The following NEB variants were observed in gnomAD, a reference collection of about 807,000 sequenced individuals.
NEB encodes nemaline myopathy type 2.
NEB carries 512 observed loss-of-function variants against 952.2 expected under a neutral mutation model. That is an observed-to-expected ratio of 0.54 (90% confidence interval 0.50 to 0.58). NEB has a LOEUF of 0.58. NEB is among the 20% of genes least tolerant of loss of function. The probability of loss-of-function intolerance (pLI) is 0.00; values close to 1 mark genes in which losing one functional copy is unlikely to be tolerated. For missense variants in NEB, 8,428 were observed against 9,231.1 expected (o/e 0.91, Z 3.56); for synonymous variants, 2,900 against 3,149.8 (o/e 0.92, Z 2.66).
At chr2:151,637,967 A>C (rs2098793448) in intron 63 of NEB, among the ~76,000 whole-genome samples, 1 of 152,228 alleles carries the variant, frequency 6.6e-6, no homozygotes, top group Non-Finnish European at 1.5e-5. Flanking sequence ...CCAAATAAAC[A>C]ATATTTTCCT....
intron 24 of NEB, chr2:151,690,506 T>C: frequency 2.3e-6 from 1 of 438,510 alleles, no homozygotes; most frequent in Non-Finnish European, 4.2e-6. Context: ...TAAAAATCAG[T>C]GAGTTATTAA....
chr2:151,694,475 G>A, intron 19 of NEB, 39 bp from the exon 20 acceptor site: 1 of 1,613,010 alleles, frequency 6.2e-7, no homozygotes, highest in Non-Finnish European at 8.5e-7. Context: ...CACTCAAGAG[G>A]AAATGTCCCC....
rs1053712292 is a variant in NEB at position 151,494,186 on chromosome 2, T to C, written c.24554A>G (p.Lys8185Arg). Residue 8185 changes from lysine (K) to arginine (R), a missense_variant, in exon 174 of 182, where the codon AAA becomes AGA. Coordinates refer to ENST00000397345, the MANE Select transcript of NEB (RefSeq NM_001164508.2). ...CGAGCTAATGTTTTCTTGATTGCGT[T>C]TGACTCTCTGCATCTCAGGAGTGAC... Reference protein sequence around the residue: ...TPVTPEMQRVKRNQENISSVL... With the variant: ...TPVTPEMQRVRRNQENISSVL... The C allele has an allele frequency of 1.2e-6, 2 of 1,608,150 alleles. No homozygotes were observed. The highest frequency in any genetic ancestry group is 1.7e-4 in the Middle Eastern group (1 of 6,054).
In NEB at chr2:151,733,200, T is replaced by C; in HGVS notation, c.-29-15A>G. ...GCACCTACAAACTTTTCATATTCCATACAAATGAAAACATATTAGAGTCTA... is the reference window on the plus strand; with the variant it reads ...GCACCTACAAACTTTTCATATTCCACACAAATGAAAACATATTAGAGTCTA... On this transcript the variant is annotated splice_polypyrimidine_tract_variant and intron_variant, in intron 2 of 181. Transcript: ENST00000397345. 1 of 1,543,882 alleles carries C rather than the reference T, an allele frequency of 6.5e-7. No individual in the cohort carries two copies. Among genetic ancestry groups the C allele is most frequent in the Non-Finnish European group, 8.8e-7 (1 of 1,130,236 alleles).
chr2:151,655,157 T>C, intron 51 of NEB, 113 bp downstream of exon 51: 1 of 635,364 alleles, frequency 1.6e-6, no homozygotes, highest in Non-Finnish European at 2.6e-6. Flanking sequence ...AATCAGTGTG[T>C]CATTTCCAAA....
intron 72 of NEB, among the ~76,000 whole-genome samples, chr2:151,620,345 G>GTATATACA (rs775274994): frequency 1.1e-5 from 1 of 87,934 alleles, no homozygotes; most frequent in Admixed American, 1.0e-4. Context: ...ATGTATGTGT[G>GTATATACA]TGTATATATA....
At chr2:151,517,830 C>A (rs2078796394) in intron 156 of NEB, among the ~76,000 whole-genome samples, 1 of 152,208 alleles carries the variant, frequency 6.6e-6, no homozygotes, top group Non-Finnish European at 1.5e-5. Flanking sequence ...CCATTATAAT[C>A]TTATGGGACC....
chr2:151,555,294 T>C (rs978254578), intron 124 of NEB, among the ~76,000 whole-genome samples: 2 of 152,202 alleles, frequency 1.3e-5, no homozygotes, highest in Non-Finnish European at 2.9e-5. Flanking sequence ...TATGAAATTT[T>C]AGTTGCTGTT....
intron 105 of NEB, among the ~76,000 whole-genome samples, chr2:151,578,735 G>A (rs1429678745): frequency 2.0e-5 from 3 of 148,864 alleles, no homozygotes. Context: ...GGGAAGGAAG[G>A]AAGGAAGGAG....
Position 151,655,909 on chromosome 2 carries a change from A to G in NEB, c.6610T>C (p.Tyr2204His). The G allele has an allele frequency of 6.2e-7, 1 of 1,613,766 alleles. No homozygotes were observed. Among genetic ancestry groups the G allele is most frequent in the Non-Finnish European group, 8.5e-7 (1 of 1,179,806 alleles). The change falls in exon 50 of 182, where the codon TAC becomes CAC. Residue 2204 changes from tyrosine (Y) to histidine (H), a missense_variant. Physicochemically the swap from Tyr to His is moderately conservative, Grantham distance 83. Transcript: ENST00000397345. The part of the protein sequence containing the change: ...KATEYASDQK[Y>H]RQHPSNFQFK... ...TGGAAGTTGCTCGGGTGCTGGCGGT[A>G]TTTCTGATCACTGGCATATTCAGTT...
chr2:151,576,704 G>T (rs1232398329), intron 105 of NEB, among the ~76,000 whole-genome samples: 1 of 150,598 alleles, frequency 6.6e-6, no homozygotes, highest in Non-Finnish European at 1.5e-5. Context: ...TCTAATTTTT[G>T]TATTTTTTTT....
intron 153 of NEB, among the ~76,000 whole-genome samples, chr2:151,523,699 T>G (rs559144143): frequency 8.5e-5 from 13 of 152,292 alleles, no homozygotes; most frequent in African/African-American, 3.1e-4. Flanking sequence ...GCAACACATT[T>G]CTGAGTCCAT....
rs745733944 is a variant in NEB at position 151,694,402 on chromosome 2, C to T, written c.1817G>A (p.Gly606Glu). The T allele has an allele frequency of 3.1e-6, 5 of 1,613,904 alleles. No individual in the cohort carries two copies. The East Asian group carries it at 1.1e-4, about 36-fold the overall frequency. ...MYKKDYEKNK[G>E]KMIGVLSIND... is the part of the protein sequence containing the mutation. ...AATGCTGAGGACTCCAATCATTTTC[C>T]CTTTGTTTTTTTCATAGTCTTTCTT... Residue 606 changes from glycine to glutamate, a missense_variant, in exon 20 of 182, where the codon GGG (glycine) becomes GAG (glutamate). Transcript: ENST00000397345.
chr2:151,492,531 C>T (rs191711599), intron 176 of NEB, 37 bp from the exon 177 acceptor site: 1,113 of 1,473,268 alleles, frequency 7.6e-4, no homozygotes, highest in Non-Finnish European at 9.2e-4. Context: ...TGGTGCTGTC[C>T]TAAATCTGAA....
At chr2:151,610,703 C>A in intron 79 of NEB, 59 bp downstream of exon 79, 2 of 1,577,282 alleles carry the variant, frequency 1.3e-6, no homozygotes, top group Non-Finnish European at 1.7e-6. Flanking sequence ...GAAATTGTTA[C>A]GGTGGAAAAA....
chr2:151,704,509 G>C (rs1385161705), intron 13 of NEB, among the ~76,000 whole-genome samples: 16 of 151,680 alleles, frequency 1.1e-4, no homozygotes, highest in Admixed American at 9.8e-4. Flanking sequence ...AGCAATCAGC[G>C]AGACTCCGTG....
chr2:151,674,730 G>C, intron 35 of NEB, 146 bp from the exon 36 acceptor site: 2 of 636,456 alleles, frequency 3.1e-6, no homozygotes, highest in Admixed American at 2.8e-5. Context: ...GTGTCACACT[G>C]TGTGTAGCAT....
At chr2:151,522,142 G>A (rs536768661) in intron 153 of NEB, among the ~76,000 whole-genome samples, 1 of 152,238 alleles carries the variant, frequency 6.6e-6, no homozygotes, top group South Asian at 2.1e-4. Flanking sequence ...ATAGGAAAGT[G>A]ATTTTGCATT....
At position 151,485,712 on chromosome 2, in the gene NEB, A is replaced by T; in HGVS notation, c.*48T>A. The T allele has an allele frequency of 6.5e-7, 1 of 1,532,522 alleles. No individual in the cohort carries two copies. Among genetic ancestry groups the T allele is most frequent in the Non-Finnish European group, 8.8e-7 (1 of 1,131,100 alleles). The allele number at this position is 1,532,522 out of a possible 1,614,324, so 94.9% of individuals were successfully genotyped here. On this transcript the variant is annotated 3_prime_UTR_variant, in exon 182 of 182. Transcript: ENST00000397345. ...GTGGAGAGTCTAAACCGAAACATTG[A>T]CTGCAGGATCTGTAAGTCCTGCAGA... is the stretch of plus-strand genomic sequence containing the variant.
Sources: gnomAD v4.1 joint callset for allele counts (sites outside exome capture counted in the v4.1 genomes callset) on GRCh38, gnomAD v4.1.1 for gene constraint, MANE v1.5 for transcripts, NCBI Gene and HGNC (gene_info 2026-07-23, HGNC 2026-07-21) for gene names.